The following RPH3A variants were observed in gnomAD, a reference collection of about 807,000 sequenced individuals.
RPH3A encodes the protein rabphilin 3A.
Under a neutral mutation model 102.2 loss-of-function variants are expected in RPH3A, and 48 were observed. The ratio of observed to expected loss-of-function variants is 0.47; its 90% CI spans 0.37 to 0.60. RPH3A has a LOEUF of 0.60. Ranked by LOEUF, RPH3A falls within the 20% of genes least tolerant of loss-of-function variation. RPH3A has a pLI of 0.00. For missense variants in RPH3A, 781 were observed against 910.1 expected, an observed-to-expected ratio of 0.86 and a Z score of 1.83; for synonymous variants, 310 against 324.3, an observed-to-expected ratio of 0.96 and a Z score of 0.47.
At chr12:112,604,302 C>T (rs779170755) in intron 1 of RPH3A, among the ~76,000 whole-genome samples, 2 of 152,154 alleles carry the variant, frequency 1.3e-5, no homozygotes, top group Non-Finnish European at 2.9e-5. Context: ...CCCTACCCAC[C>T]TTTAAAAATT....
chr12:112,856,547 C>T (rs1209686089), intron 5 of RPH3A, among the ~76,000 whole-genome samples: 3 of 151,390 alleles, frequency 2.0e-5, no homozygotes, highest in African/African-American at 4.9e-5. Context: ...CCTCTACAGG[C>T]GTGCCTGTGG....
chr12:112,871,515 G>A (rs2042707874), intron 10 of RPH3A, among the ~76,000 whole-genome samples: 1 of 152,110 alleles, frequency 6.6e-6, no homozygotes, highest in Non-Finnish European at 1.5e-5. Flanking sequence ...GTTGTAGCAT[G>A]TGTCAGAATT....
chr12:112,646,527 G>A (rs2039931958), intron 1 of RPH3A, among the ~76,000 whole-genome samples: 1 of 152,152 alleles, frequency 6.6e-6, no homozygotes, highest in Non-Finnish European at 1.5e-5. Flanking sequence ...GCAGTTGGAG[G>A]CTCTCAGCCG....
At chr12:112,851,561 A>T (rs2042322592) in intron 5 of RPH3A, among the ~76,000 whole-genome samples, 1 of 152,194 alleles carries the variant, frequency 6.6e-6, no homozygotes, top group Admixed American at 6.5e-5. Flanking sequence ...CCTCAGGCTT[A>T]CCAGGAAGCA....
chr12:112,683,734 C>A (rs1256855007), intron 1 of RPH3A, among the ~76,000 whole-genome samples: 1 of 152,016 alleles, frequency 6.6e-6, no homozygotes, highest in Non-Finnish European at 1.5e-5. Context: ...TTGATGACGG[C>A]CCTGGGGATG....
At position 112,792,194 on chromosome 12, in the gene RPH3A, C is replaced by G. The variant is rs1346780497; in HGVS notation, c.-88C>G. On this transcript the variant is annotated 5_prime_UTR_variant, in exon 2 of 22. Coordinates refer to ENST00000389385, the MANE Select transcript of RPH3A (RefSeq NM_001143854.2). The stretch of plus-strand genomic sequence containing the variant: ...GTCATTGGGACTTAGCGTCTTTCTA[C>G]CCGGCAGGGAAGGGAGGAGTTGGCA... 6.6e-6 allele frequency: 1 copy of G among 152,122 alleles called. No homozygotes were observed. Among genetic ancestry groups the G allele is most frequent in the Non-Finnish European group, 1.5e-5 (1 of 68,032 alleles). 9.4% of individuals were successfully genotyped at this position (152,122 alleles called of 1,614,324 possible). A position where few individuals can be genotyped will look rare whatever the true frequency, so the allele number is the denominator to read the frequency against.
At chr12:112,862,922 A>G (rs1032874986) in intron 5 of RPH3A, among the ~76,000 whole-genome samples, 3 of 151,288 alleles carry the variant, frequency 2.0e-5, no homozygotes, top group African/African-American at 7.3e-5. Context: ...AGTCCCTCCC[A>G]TCGGCTCTCC....
At chr12:112,813,048 T>C (rs2041607632) in intron 2 of RPH3A, among the ~76,000 whole-genome samples, 1 of 152,230 alleles carries the variant, frequency 6.6e-6, no homozygotes, top group Non-Finnish European at 1.5e-5. Context: ...TTAACATCCC[T>C]GTAAGATAGG....
intron 1 of RPH3A, among the ~76,000 whole-genome samples, chr12:112,645,408 C>T (rs1025329182): frequency 1.3e-5 from 2 of 152,136 alleles, no homozygotes; most frequent in Admixed American, 6.5e-5. Flanking sequence ...ATAAATCACC[C>T]AGGCACATTA....
chr12:112,765,407 G>A (rs1236371300), intron 1 of RPH3A, among the ~76,000 whole-genome samples: 3 of 152,030 alleles, frequency 2.0e-5, no homozygotes, highest in African/African-American at 7.3e-5. Flanking sequence ...GGGTAGATTT[G>A]GTTAAGTAAA....
chr12:112,659,483 G>A (rs1251254381), intron 1 of RPH3A, among the ~76,000 whole-genome samples: 1 of 152,118 alleles, frequency 6.6e-6, no homozygotes, highest in Non-Finnish European at 1.5e-5. Context: ...ATTACAGAAG[G>A]GATGCTGGTT....
chr12:112,871,232 T>C (rs774485570), intron 10 of RPH3A, among the ~76,000 whole-genome samples: 1 of 152,256 alleles, frequency 6.6e-6, no homozygotes, highest in Non-Finnish European at 1.5e-5. Context: ...ACCATTTTCA[T>C]GTGTACAATT....
At chr12:112,845,670 C>T (rs2042217645) in intron 4 of RPH3A, among the ~76,000 whole-genome samples, 1 of 152,264 alleles carries the variant, frequency 6.6e-6, no homozygotes, top group East Asian at 1.9e-4. Flanking sequence ...CCACTAGGGA[C>T]CAGGTCTTAT....
intron 1 of RPH3A, among the ~76,000 whole-genome samples, chr12:112,752,322 A>T (rs2040790503): frequency 6.6e-6 from 1 of 152,176 alleles, no homozygotes. Context: ...CATTACTAGT[A>T]ATATGTGTCT....
chr12:112,666,219 G>A (rs1267964607), intron 1 of RPH3A, among the ~76,000 whole-genome samples: 2 of 152,192 alleles, frequency 1.3e-5, no homozygotes, highest in Non-Finnish European at 2.9e-5. Context: ...GACAGAAATG[G>A]AACTTAATAG....
chr12:112,597,517 C>T (rs544956018), intron 1 of RPH3A, among the ~76,000 whole-genome samples: 119 of 152,146 alleles, frequency 7.8e-4, no homozygotes, highest in Admixed American at 5.7e-3. Flanking sequence ...TGATCACCTG[C>T]GTCTGGGAGG....
rs1774034656 is a variant in RPH3A, at chr12:112,718,018, C to T, written c.-139-74125C>T. The T allele has an allele frequency of 2.0e-5, 3 of 152,196 alleles. No individual in the cohort carries two copies. The South Asian group carries it at 6.2e-4, about 32-fold the overall frequency. 9.4% of individuals were successfully genotyped at this position (152,196 alleles called of 1,614,324 possible). ...TTCTCTTCTCCAGGCAACGTTCGTT[C>T]TACATAATTCAGCACCAGCTTAGAT... On this transcript the variant is annotated intron_variant, in intron 1 of 21. Transcript: ENST00000543106.
At chr12:112,597,435 A>G (rs756417510) in intron 1 of RPH3A, among the ~76,000 whole-genome samples, 12 of 152,094 alleles carry the variant, frequency 7.9e-5, no homozygotes, top group Non-Finnish European at 1.8e-4. Flanking sequence ...ATGCAAAAAA[A>G]TTAGCCAGGC....
At chr12:112,822,734 T>C (rs921031060) in intron 2 of RPH3A, among the ~76,000 whole-genome samples, 1 of 152,238 alleles carries the variant, frequency 6.6e-6, no homozygotes, top group Non-Finnish European at 1.5e-5. Context: ...GAAAGTTCAC[T>C]TAAACTTTCC....
Sources: allele counts gnomAD v4.1 joint callset (sites outside exome capture counted in the v4.1 genomes callset), GRCh38; gene constraint gnomAD v4.1.1; transcripts MANE v1.5; gene names NCBI Gene and HGNC (gene_info 2026-07-23, HGNC 2026-07-21).